The following SMAD1 variants were observed in gnomAD, a reference collection of about 807,000 sequenced individuals.
SMAD1 encodes MAD, mothers against decapentaplegic homolog 1.
A neutral mutation model predicts 41.6 loss-of-function variants in SMAD1; 6 were observed. The ratio of observed to expected loss-of-function variants is 0.14; its 90% confidence interval spans 0.08 to 0.28. The LOEUF (loss-of-function observed/expected upper bound fraction) is 0.28, where lower values mean the gene tolerates loss of function less well. Ranked by LOEUF, SMAD1 falls within the 10% of genes least tolerant of loss-of-function variation. The probability of loss-of-function intolerance (pLI) is 1.00; values close to 1 mark genes in which losing one functional copy is unlikely to be tolerated. For synonymous variants in SMAD1, 206 were observed against 203.2 expected, an observed-to-expected ratio of 1.01 and a Z score of -0.12; for missense variants, 379 against 582.6, an observed-to-expected ratio of 0.65 and a Z score of 3.60.
At chr4:145,515,953 C>A (rs2126417505) in intron 2 of SMAD1, among the ~76,000 whole-genome samples, 1 of 152,166 alleles carries the variant, frequency 6.6e-6, no homozygotes, top group East Asian at 1.9e-4. Flanking sequence ...TTAGGAATTA[C>A]TAAACTAGAT....
intron 2 of SMAD1, among the ~76,000 whole-genome samples, chr4:145,527,442 C>G (rs1731083532): frequency 6.6e-6 from 1 of 152,062 alleles, no homozygotes; most frequent in South Asian, 2.1e-4. Context: ...CCGGGATGGT[C>G]TCGATCTCCT....
chr4:145,481,535 G>C (rs1368471618), upstream of SMAD1: 3 of 152,162 alleles, frequency 2.0e-5, no homozygotes, highest in African/African-American at 7.2e-5. Flanking sequence ...CCGCTCCACC[G>C]GGACTAAAAA....
chr4:145,529,968 C>A (rs953017151), intron 2 of SMAD1, among the ~76,000 whole-genome samples: 2 of 152,114 alleles, frequency 1.3e-5, no homozygotes, highest in African/African-American at 4.8e-5. Flanking sequence ...GAGGGCTGAA[C>A]TTTGAGAAAG....
chr4:145,497,639 G>C (rs1729165002), intron 1 of SMAD1: 1 of 152,224 alleles, frequency 6.6e-6, no homozygotes, highest in Non-Finnish European at 1.5e-5. Context: ...TATTGTCTTG[G>C]GTTTTTCCAT....
intron 2 of SMAD1, among the ~76,000 whole-genome samples, chr4:145,522,267 C>T: frequency 6.6e-6 from 1 of 151,078 alleles, no homozygotes; most frequent in Non-Finnish European, 1.5e-5. Context: ...CCACTGCACT[C>T]CAGCCAGGGC....
intron 1 of SMAD1, among the ~76,000 whole-genome samples, chr4:145,496,252 C>T (rs902449360): frequency 3.9e-5 from 6 of 152,078 alleles, no homozygotes; most frequent in Non-Finnish European, 1.5e-5. Context: ...TTGCCTGTTA[C>T]TCTGCCTTAT....
In SMAD1 at chr4:145,481,854, G is replaced by T. The variant is rs1167098768; in HGVS notation, c.-361G>T. On this transcript the variant is annotated 5_prime_UTR_variant, in exon 1 of 7. Transcript: ENST00000302085. ...CGACTCCCTGACGCCAGCGCGACCAGATCAATCCAGGCTCCAGGAGAAAGC... is the reference window on the plus strand; with the variant it reads ...CGACTCCCTGACGCCAGCGCGACCATATCAATCCAGGCTCCAGGAGAAAGC... The T allele has an allele frequency of 6.2e-6, 1 of 160,534 alleles. No individual in the cohort carries two copies. The highest frequency in any genetic ancestry group is 1.3e-5 in the Non-Finnish European group (1 of 74,236). 9.9% of individuals were successfully genotyped at this position (160,534 alleles called of 1,614,324 possible).
intron 2 of SMAD1, among the ~76,000 whole-genome samples, chr4:145,536,234 C>T (rs75355092): frequency 0.012 from 1,884 of 152,198 alleles, 46 homozygotes; most frequent in African/African-American, 0.043. Flanking sequence ...AGTACACACA[C>T]GCACACACAC....
intron 6 of SMAD1, among the ~76,000 whole-genome samples, chr4:145,554,876 A>G (rs1732754330): frequency 6.6e-6 from 1 of 152,190 alleles, no homozygotes; most frequent in African/African-American, 2.4e-5. Flanking sequence ...TGAGGCAATT[A>G]TCTTTTATGT....
chr4:145,551,161 T>G (rs560772097), intron 5 of SMAD1, among the ~76,000 whole-genome samples: 63 of 152,210 alleles, frequency 4.1e-4, no homozygotes, highest in Non-Finnish European at 8.4e-4. Context: ...TAAACCAGTG[T>G]GTAGACAAAA....
intron 1 of SMAD1, among the ~76,000 whole-genome samples, chr4:145,507,033 T>C (rs1729826807): frequency 1.3e-5 from 2 of 152,144 alleles, no homozygotes; most frequent in Admixed American, 1.3e-4. Flanking sequence ...TGAGACTCCT[T>C]AGGAAAACGT....
At chr4:145,484,173 G>A (rs926896654) in intron 1 of SMAD1, among the ~76,000 whole-genome samples, 2 of 152,186 alleles carry the variant, frequency 1.3e-5, no homozygotes, top group Non-Finnish European at 2.9e-5. Flanking sequence ...AATTAGACTA[G>A]CATGTTTAAG....
At chr4:145,540,734 CAAAA>C (rs921011866) in intron 3 of SMAD1, among the ~76,000 whole-genome samples, 2 of 81,614 alleles carry the variant, frequency 2.5e-5, no homozygotes, top group Admixed American at 1.3e-4. Context: ...CAAGCATCTC[CAAAA>C]AAAAAAAAAA....
At chr4:145,549,579 TTC>T (rs1244841492) in intron 5 of SMAD1, among the ~76,000 whole-genome samples, 5 of 152,224 alleles carry the variant, frequency 3.3e-5, no homozygotes, top group African/African-American at 1.2e-4. Context: ...GTGTTCTTTG[TTC>T]TGTTTTTCTT....
chr4:145,495,090 A>G (rs1728991825), intron 1 of SMAD1, among the ~76,000 whole-genome samples: 1 of 152,160 alleles, frequency 6.6e-6, no homozygotes, highest in South Asian at 2.1e-4. Flanking sequence ...TTATCTGGCT[A>G]TGTCAGAAAA....
chr4:145,558,090 A>AC lies in SMAD1; in HGVS notation c.*156_*157insC, dbSNP rs1182090743. ...TTCAGAAATTTAAACAAAAAAAAAAAAAAACACACACACCTTGGTAACATA... is the reference window on the plus strand; with the variant it reads ...TTCAGAAATTTAAACAAAAAAAAAAACAAAACACACACACCTTGGTAACATA... On this transcript the variant is annotated 3_prime_UTR_variant, in exon 7 of 7. Transcript: ENST00000302085. The AC allele has an allele frequency of 3.4e-5, 14 of 412,396 alleles. 1 individual carries two copies. The highest frequency in any genetic ancestry group is 6.1e-5 in the Non-Finnish European group (14 of 227,734). The allele number at this position is 412,396 out of a possible 1,614,324, so 25.5% of individuals were successfully genotyped here. A position where few individuals can be genotyped will look rare whatever the true frequency, so the allele number is the denominator to read the frequency against.
intron 5 of SMAD1, among the ~76,000 whole-genome samples, chr4:145,550,629 G>C (rs544932751): frequency 6.6e-6 from 1 of 152,144 alleles, no homozygotes; most frequent in African/African-American, 2.4e-5. Flanking sequence ...ATCCATGCCA[G>C]TATTATAGTT....
At chr4:145,545,188 C>A (rs1418583354) in intron 4 of SMAD1, 1 of 152,110 alleles carries the variant, frequency 6.6e-6, no homozygotes, top group African/African-American at 2.4e-5. Context: ...TGTATTCATT[C>A]ATTACATATT....
intron 1 of SMAD1, among the ~76,000 whole-genome samples, chr4:145,489,055 C>T (rs1728640132): frequency 6.6e-6 from 1 of 152,224 alleles, no homozygotes; most frequent in Non-Finnish European, 1.5e-5. Context: ...AATAGAATTT[C>T]TGCAGTGATG....
Sources: allele counts gnomAD v4.1 joint callset (sites outside exome capture counted in the v4.1 genomes callset), GRCh38; gene constraint gnomAD v4.1.1; transcripts MANE v1.5; gene names NCBI Gene and HGNC (gene_info 2026-07-23, HGNC 2026-07-21).